Variants in PRKN observed in about 807,000 individuals in gnomAD.
PRKN encodes E3 ubiquitin-protein ligase parkin.
PRKN carries 56 observed loss-of-function variants against 59.5 expected under a neutral mutation model. The ratio of observed to expected loss-of-function variants is 0.94; its 90% CI spans 0.76 to 1.18. The LOEUF (loss-of-function observed/expected upper bound fraction) is 1.18. Ranked by LOEUF, PRKN falls within the 50% of genes most tolerant of loss-of-function variation. The probability of loss-of-function intolerance (pLI) is 0.00; values close to 1 mark genes in which losing one functional copy is unlikely to be tolerated. For missense variants in PRKN, 657 were observed against 596.4 expected (o/e 1.10, Z -1.06); for synonymous variants, 250 against 222.1 (o/e 1.13, Z -1.12).
At chr6:161,490,386 C>CTTTTTTTT (rs34217261) in intron 9 of PRKN, among the ~76,000 whole-genome samples, 1 of 112,324 alleles carries the variant, frequency 8.9e-6, no homozygotes, top group Non-Finnish European at 1.7e-5. Context: ...TCTTTCTTTC[C>CTTTTTTTT]TTTTTTTTTT....
At chr6:161,646,107 C>T (rs1253659967) in intron 7 of PRKN, among the ~76,000 whole-genome samples, 1 of 83,910 alleles carries the variant, frequency 1.2e-5, no homozygotes, top group African/African-American at 4.3e-5. Context: ...GAGGAGGCGG[C>T]GTATCAGTGA....
At chr6:161,832,068 A>G (rs1792522009) in intron 6 of PRKN, among the ~76,000 whole-genome samples, 1 of 152,226 alleles carries the variant, frequency 6.6e-6, no homozygotes, top group Non-Finnish European at 1.5e-5. Context: ...AACTGGACAC[A>G]TTACTAGATT....
At chr6:161,874,856 T>A (rs1794632102) in intron 6 of PRKN, among the ~76,000 whole-genome samples, 1 of 75,776 alleles carries the variant, frequency 1.3e-5, no homozygotes, top group Non-Finnish European at 2.4e-5. Context: ...ATATATAAAA[T>A]ATATATAAAA....
chr6:162,426,290 A>G (rs1025834644), intron 2 of PRKN, among the ~76,000 whole-genome samples: 2 of 152,174 alleles, frequency 1.3e-5, no homozygotes, highest in African/African-American at 4.8e-5. Flanking sequence ...ATACATAGAA[A>G]CTATATATAT....
intron 6 of PRKN, among the ~76,000 whole-genome samples, chr6:161,881,044 A>G (rs1794917141): frequency 6.6e-6 from 1 of 152,196 alleles, no homozygotes; most frequent in Non-Finnish European, 1.5e-5. Context: ...TGAAACCTTT[A>G]AACTGCACTT....
intron 7 of PRKN, among the ~76,000 whole-genome samples, chr6:161,694,496 G>A (rs773601519): frequency 6.6e-6 from 1 of 151,694 alleles, no homozygotes; most frequent in Non-Finnish European, 1.5e-5. Context: ...CTCTTTATTT[G>A]GGCAAAGGTC....
At chr6:162,680,712 A>T (rs193220563) in intron 1 of PRKN, among the ~76,000 whole-genome samples, 13 of 152,232 alleles carry the variant, frequency 8.5e-5, no homozygotes, top group African/African-American at 2.9e-4. Flanking sequence ...TTAGGTAATA[A>T]CTCTATTGAA....
chr6:161,771,368 AAAATAAAATAAAATAAAATAAAATAAAAT>A lies in PRKN; in HGVS notation c.871+14375_871+14403del, dbSNP rs1562670798. 2.2e-4 allele frequency among the ~76,000 whole-genome samples: 12 copies of A among 54,616 alleles called. No individual in the cohort carries two copies. In the Admixed American group the frequency reaches 2.3e-3, roughly 11 times the overall value. 35.8% of individuals were successfully genotyped at this position (54,616 alleles called of 152,430 possible). A position where few individuals can be genotyped will look rare whatever the true frequency, so the allele number is the denominator to read the frequency against. ...AAGACTCCACCTCAAAAAAAAAAAA[AAAATAAAATAAAATAAAATAAAATAAAAT>A]AAAAGCACTGCTGTGCTTGAGCCAC... On this transcript the variant is annotated intron_variant, in intron 7 of 11. Coordinates refer to ENST00000366898, the MANE Select transcript of PRKN (RefSeq NM_004562.3).
rs142973536 is a variant in PRKN, at chr6:161,798,057, C to G, written c.735-12149G>C. 6.7e-3 allele frequency among the ~76,000 whole-genome samples: 1,027 copies of G among 152,152 alleles called. 14 individuals carry two copies. The highest frequency in any genetic ancestry group is 0.024 in the African/African-American group (982 of 41,488). On this transcript the variant is annotated intron_variant, in intron 6 of 11. Coordinates refer to ENST00000366898, the MANE Select transcript of PRKN (RefSeq NM_004562.3). ...TCTACTAAAACTACAAAAAATTAAT[C>G]GGGCGTGGTGGCACGCACCTGTAGT...
At chr6:162,464,659 CAAAAA>C (rs1164797005) in intron 1 of PRKN, among the ~76,000 whole-genome samples, 54 of 79,902 alleles carry the variant, frequency 6.8e-4, no homozygotes, top group Non-Finnish European at 1.3e-3. Flanking sequence ...ACTAAAAATA[CAAAAA>C]AAAAAAAAAA....
At chr6:161,793,755 G>A (rs1039786005) in intron 6 of PRKN, among the ~76,000 whole-genome samples, 2 of 152,162 alleles carry the variant, frequency 1.3e-5, no homozygotes, top group African/African-American at 4.8e-5. Flanking sequence ...ATAGTGAGAA[G>A]AGGCTGAACA....
chr6:162,027,731 T>TG (rs1783489178), intron 5 of PRKN, among the ~76,000 whole-genome samples: 1 of 151,864 alleles, frequency 6.6e-6, no homozygotes, highest in Non-Finnish European at 1.5e-5. Flanking sequence ...AAATACTTGC[T>TG]GGGGGGTGGG....
chr6:161,348,328 C>A lies in PRKN; in HGVS notation c.*1771G>T. 1 of 209,550 alleles carries A rather than the reference C, an allele frequency of 4.8e-6. No individual in the cohort carries two copies. Among genetic ancestry groups the A allele is most frequent in the Admixed American group, 5.9e-5 (1 of 16,842 alleles). The allele number at this position is 209,550 out of a possible 1,614,324, so 13.0% of individuals were successfully genotyped here. On this transcript the variant is annotated 3_prime_UTR_variant, in exon 12 of 12. Transcript: ENST00000366898. This position sits in a 1 kb window ranked among gnomAD's most constrained non-coding sequence, Gnocchi z 4.9. ...TCATGCCTGCCACCTCTCTTTTTTT[C>A]CCTTACTATAGAGACTTTGATCTGT...
At chr6:161,779,440 CTTTTTTT>C (rs10683923) in intron 7 of PRKN, among the ~76,000 whole-genome samples, 5 of 41,848 alleles carry the variant, frequency 1.2e-4, no homozygotes, top group Admixed American at 5.4e-4. Context: ...CTTTTCTTTT[CTTTTTTT>C]TTTTTTTTTT....
intron 6 of PRKN, among the ~76,000 whole-genome samples, chr6:161,840,052 C>A (rs772383491): frequency 3.9e-5 from 6 of 152,246 alleles, no homozygotes; most frequent in Non-Finnish European, 8.8e-5. Context: ...GTTGGCGGAG[C>A]CAGCATGGAC....
At chr6:161,717,137 A>G (rs1231805698) in intron 7 of PRKN, among the ~76,000 whole-genome samples, 1 of 152,214 alleles carries the variant, frequency 6.6e-6, no homozygotes, top group Non-Finnish European at 1.5e-5. Flanking sequence ...GTGGTCCTGT[A>G]ACAGGCTAAC....
At chr6:162,632,551 C>T (rs1200895935) in intron 1 of PRKN, among the ~76,000 whole-genome samples, 2 of 152,078 alleles carry the variant, frequency 1.3e-5, no homozygotes, top group African/African-American at 4.8e-5. Context: ...CTACTATGCT[C>T]ACTACCTGGG....
At chr6:162,297,416 C>A (rs1228460900) in intron 2 of PRKN, among the ~76,000 whole-genome samples, 1 of 152,016 alleles carries the variant, frequency 6.6e-6, no homozygotes, top group Admixed American at 6.6e-5. Context: ...GTAAGGCATT[C>A]TTTCACATCT....
chr6:161,853,031 T>C (rs1793501365), intron 6 of PRKN, among the ~76,000 whole-genome samples: 1 of 152,180 alleles, frequency 6.6e-6, no homozygotes, highest in African/African-American at 2.4e-5. Flanking sequence ...CACTGGGATT[T>C]TCCTAAAACA....
Sources: gnomAD v4.1 joint callset for allele counts (sites outside exome capture counted in the v4.1 genomes callset) on GRCh38, gnomAD v4.1.1 for gene constraint, Gnocchi (gnomAD v3.1) non-coding constraint, MANE v1.5 for transcripts, NCBI Gene and HGNC (gene_info 2026-07-23, HGNC 2026-07-21) for gene names.